The following XPNPEP1 variants were observed in gnomAD, a reference collection of about 807,000 sequenced individuals.
XPNPEP1 encodes the protein X-prolyl aminopeptidase 1, also known as xaa-Pro aminopeptidase 1.
XPNPEP1 carries 39 observed loss-of-function variants against 92.4 expected under a neutral mutation model. That is an observed-to-expected ratio of 0.42 (90% CI 0.33 to 0.55). The LOEUF is 0.55. Ranked by LOEUF, XPNPEP1 falls within the 20% of genes least tolerant of loss-of-function variation. The pLI, the probability that XPNPEP1 is intolerant of heterozygous loss-of-function variation, is 0.08. For missense variants in XPNPEP1, 654 were observed against 856.1 expected (o/e 0.76, Z 2.95); for synonymous variants, 307 against 299.4 (o/e 1.03, Z -0.26).
intron 17 of XPNPEP1, 80 bp downstream of exon 17, chr10:109,871,712 T>C (rs887327277): frequency 3.3e-6 from 5 of 1,492,594 alleles, no homozygotes; most frequent in Non-Finnish European, 4.6e-6. Flanking sequence ...AGGAACGACA[T>C]GTTCTTTCAC....
chr10:109,903,040 A>T (rs964453702), intron 3 of XPNPEP1, among the ~76,000 whole-genome samples: 1 of 152,180 alleles, frequency 6.6e-6, no homozygotes, highest in African/African-American at 2.4e-5. Flanking sequence ...TGATGACCAA[A>T]CAAACAAAAA....
intron 14 of XPNPEP1, 29 bp downstream of exon 14, chr10:109,877,761 C>T: frequency 1.2e-6 from 2 of 1,613,978 alleles, no homozygotes; most frequent in Non-Finnish European, 1.7e-6. Flanking sequence ...GCAGCAAGGC[C>T]AGGCAGCATG....
chr10:109,890,512 C>T (rs1454339904), intron 5 of XPNPEP1, among the ~76,000 whole-genome samples: 2 of 148,792 alleles, frequency 1.3e-5, no homozygotes, highest in Non-Finnish European at 3.0e-5. Flanking sequence ...AGGCCACTAG[C>T]TTGTCCATTT....
At chr10:109,919,165 T>C (rs1850388984) in intron 1 of XPNPEP1, among the ~76,000 whole-genome samples, 1 of 152,178 alleles carries the variant, frequency 6.6e-6, no homozygotes, top group Non-Finnish European at 1.5e-5. Flanking sequence ...ATTTAAAATG[T>C]TTGTGTTTCA....
At chr10:109,883,958 G>T in intron 9 of XPNPEP1, 109 bp downstream of exon 9, 1 of 904,982 alleles carries the variant, frequency 1.1e-6, no homozygotes, top group Non-Finnish European at 1.6e-6. Flanking sequence ...GAAAAAAGAA[G>T]CACATCAGTG....
In XPNPEP1 at chr10:109,865,789, C is replaced by G. The variant is rs1327016516; in HGVS notation, c.1873-477G>C. On this transcript the variant is annotated intron_variant, in intron 20 of 20. Coordinates refer to ENST00000502935, the MANE Select transcript of XPNPEP1 (RefSeq NM_020383.4). ...GCCCATGGGTGTCTTTTGAGTGTAG[C>G]TGCCTAGATGAACCCAAAACCTGCG... Among the ~76,000 whole-genome samples, 8 of 152,336 alleles carry G rather than the reference C, an allele frequency of 5.3e-5. 1 individual carries two copies. The South Asian group carries it at 1.7e-3, about 32-fold the overall frequency.
intron 3 of XPNPEP1, among the ~76,000 whole-genome samples, chr10:109,903,642 T>C (rs2133503487): frequency 6.6e-6 from 1 of 152,166 alleles, no homozygotes; most frequent in Non-Finnish European, 1.5e-5. Context: ...AAGGAAGAGC[T>C]CATCAGAGGG....
At chr10:109,894,108 GA>G (rs1477034833) in intron 3 of XPNPEP1, 1 of 152,316 alleles carries the variant, frequency 6.6e-6, no homozygotes, top group East Asian at 1.9e-4. Context: ...CAAGCCAAAG[GA>G]CCTGGCAAGG....
intron 1 of XPNPEP1, among the ~76,000 whole-genome samples, chr10:109,915,820 C>T (rs1829130834): frequency 6.6e-6 from 1 of 152,222 alleles, no homozygotes; most frequent in African/African-American, 2.4e-5. Flanking sequence ...CATCTGGTAA[C>T]TTTCCCAGGC....
rs1847228571 is a variant in XPNPEP1 at position 109,867,926 on chromosome 10, C to T, written c.1872+688G>A. On this transcript the variant is annotated intron_variant, in intron 20 of 20. Transcript: ENST00000502935. This position sits in a 1 kb window ranked among gnomAD's most constrained non-coding sequence, Gnocchi z 4.5. ...TTTCTGACCCTTGTTTCTGCTCTGA[C>T]CTTGAACATCTGTGTGATTCTTCAG... Among the ~76,000 whole-genome samples, 1 of 152,184 alleles carries T rather than the reference C, an allele frequency of 6.6e-6. No individual in the cohort carries two copies. Among genetic ancestry groups the T allele is most frequent in the Non-Finnish European group, 1.5e-5 (1 of 68,032 alleles).
intron 12 of XPNPEP1, chr10:109,878,477 TG>T (rs1847902455): frequency 5.9e-6 from 1 of 170,470 alleles, no homozygotes; most frequent in African/African-American, 2.4e-5. Flanking sequence ...ATAGGAGGAC[TG>T]GGTTAGTAAA....
intron 12 of XPNPEP1, chr10:109,878,404 G>T: frequency 4.7e-6 from 1 of 211,964 alleles, no homozygotes; most frequent in Non-Finnish European, 9.6e-6. Context: ...AGATAAATGC[G>T]GAGAGATTAT....
chr10:109,918,543 C>T (rs1398488984), intron 1 of XPNPEP1, among the ~76,000 whole-genome samples: 1 of 152,106 alleles, frequency 6.6e-6, no homozygotes, highest in Non-Finnish European at 1.5e-5. Flanking sequence ...GGGCAGATCA[C>T]GAGGTCAGGA....
chr10:109,891,500 T>G (rs771785226), intron 5 of XPNPEP1: 1 of 407,692 alleles, frequency 2.5e-6, no homozygotes, highest in Non-Finnish European at 4.3e-6. Context: ...GCCCTCAGTT[T>G]CCCCTCAGTA....
chr10:109,881,233 C>G (rs940210768), intron 10 of XPNPEP1, among the ~76,000 whole-genome samples: 2 of 152,208 alleles, frequency 1.3e-5, no homozygotes, highest in Non-Finnish European at 2.9e-5. Flanking sequence ...GCTTTCCAAG[C>G]CACTGTGGTT....
chr10:109,877,763 G>A (rs1847861940), intron 14 of XPNPEP1, 27 bp downstream of exon 14: 1 of 1,613,948 alleles, frequency 6.2e-7, no homozygotes. Context: ...AGCAAGGCCA[G>A]GCAGCATGCT....
At chr10:109,879,293 C>T (rs1413755604) in intron 12 of XPNPEP1, among the ~76,000 whole-genome samples, 1 of 150,788 alleles carries the variant, frequency 6.6e-6, no homozygotes, top group Non-Finnish European at 1.5e-5. Context: ...ACATAAAGTC[C>T]AGGCATGGTG....
chr10:109,884,901 G>T (rs1392826235), intron 8 of XPNPEP1, among the ~76,000 whole-genome samples: 1 of 152,212 alleles, frequency 6.6e-6, no homozygotes, highest in East Asian at 1.9e-4. Flanking sequence ...GGCATTAAAA[G>T]TATAACCTCT....
At chr10:109,869,495 G>A (rs1847324150) in intron 19 of XPNPEP1, among the ~76,000 whole-genome samples, 1 of 152,148 alleles carries the variant, frequency 6.6e-6, no homozygotes, top group Admixed American at 6.5e-5. Context: ...AGTCACCTGG[G>A]GAGTGTGACA....
Sources: allele counts gnomAD v4.1 joint callset (sites outside exome capture counted in the v4.1 genomes callset), GRCh38; gene constraint gnomAD v4.1.1; non-coding constraint Gnocchi (gnomAD v3.1); transcripts MANE v1.5; gene names NCBI Gene and HGNC (gene_info 2026-07-23, HGNC 2026-07-21).